The following KCTD8 variants were observed in gnomAD, a reference collection of about 807,000 sequenced individuals.
KCTD8 encodes the protein potassium channel tetramerization domain containing 8.
In KCTD8, 27 loss-of-function variants were observed where a neutral mutation model predicts 31.5. That is an observed-to-expected ratio of 0.86 (90% CI 0.63 to 1.18). The LOEUF (loss-of-function observed/expected upper bound fraction) is 1.18. KCTD8 is among the 50% of genes most tolerant of loss of function. The pLI is 0.00. For missense variants in KCTD8, 658 were observed against 647.7 expected (o/e 1.02, Z -0.17); for synonymous variants, 290 against 280.0 (o/e 1.04, Z -0.36).
At chr4:44,283,296 C>T (rs1716953464) in intron 1 of KCTD8, among the ~76,000 whole-genome samples, 1 of 151,960 alleles carries the variant, frequency 6.6e-6, no homozygotes, top group Admixed American at 6.6e-5. Context: ...GTGATCTGCC[C>T]ACTGTGGCCT....
intron 1 of KCTD8, among the ~76,000 whole-genome samples, chr4:44,284,322 C>T (rs898668105): frequency 6.6e-6 from 1 of 151,568 alleles, no homozygotes; most frequent in Non-Finnish European, 1.5e-5. Context: ...AGAAATAACA[C>T]CACATACCAT....
chr4:44,431,648 C>T (rs1190610263), intron 1 of KCTD8, among the ~76,000 whole-genome samples: 3 of 151,480 alleles, frequency 2.0e-5, no homozygotes, highest in Non-Finnish European at 4.4e-5. Context: ...GTATCCAATT[C>T]TTATCAGGGT....
At chr4:44,256,133 G>A (rs1715984435) in intron 1 of KCTD8, among the ~76,000 whole-genome samples, 2 of 151,858 alleles carry the variant, frequency 1.3e-5, no homozygotes, top group Non-Finnish European at 2.9e-5. Flanking sequence ...CATGAGAACA[G>A]CAGGGGAAAG....
intron 1 of KCTD8, among the ~76,000 whole-genome samples, chr4:44,337,050 C>T (rs1718768216): frequency 6.6e-6 from 1 of 151,994 alleles, no homozygotes; most frequent in South Asian, 2.1e-4. Flanking sequence ...AGGATCTGAA[C>T]TAATATGTCA....
chr4:44,394,671 G>A (rs529938520), intron 1 of KCTD8, among the ~76,000 whole-genome samples: 12 of 152,066 alleles, frequency 7.9e-5, no homozygotes, highest in African/African-American at 2.4e-4. Flanking sequence ...TTGCTATGTC[G>A]TATGTGCTAT....
chr4:44,338,622 C>T (rs569802871), intron 1 of KCTD8, among the ~76,000 whole-genome samples: 14 of 152,232 alleles, frequency 9.2e-5, no homozygotes, highest in African/African-American at 2.9e-4. Context: ...TGATACCACA[C>T]GTGTGGTTTC....
intron 1 of KCTD8, among the ~76,000 whole-genome samples, chr4:44,269,635 T>G (rs1005509766): frequency 6.6e-6 from 1 of 152,124 alleles, no homozygotes; most frequent in Non-Finnish European, 1.5e-5. Context: ...TTTCGCAACC[T>G]ACTCATCTGA....
chr4:44,267,035 C>T (rs1439584188), intron 1 of KCTD8, among the ~76,000 whole-genome samples: 4 of 152,146 alleles, frequency 2.6e-5, no homozygotes, highest in African/African-American at 7.2e-5. Context: ...AGCTCTGCAC[C>T]AAGCAGACCT....
chr4:44,420,679 TC>T (rs1342419479), intron 1 of KCTD8, among the ~76,000 whole-genome samples: 1 of 152,118 alleles, frequency 6.6e-6, no homozygotes, highest in Non-Finnish European at 1.5e-5. Flanking sequence ...TTACACCTTC[TC>T]CCAGGTTTCT....
At chr4:44,441,752 A>G (rs552708223) in intron 1 of KCTD8, among the ~76,000 whole-genome samples, 1 of 152,346 alleles carries the variant, frequency 6.6e-6, no homozygotes, top group African/African-American at 2.4e-5. Context: ...GGAATGTTAT[A>G]AGAAATAAAC....
Position 44,336,297 on chromosome 4 carries a change from G to A in KCTD8, c.961+111266C>T, listed in dbSNP as rs368866971. Among the ~76,000 whole-genome samples, 4 of 150,566 alleles carry A rather than the reference G, an allele frequency of 2.7e-5. No individual in the cohort carries two copies. The East Asian group carries it at 5.9e-4, about 22-fold the overall frequency. ...TCTCAGAAATATAAAATTGATTAAT[G>A]TTAGAATCTCTAAAGAATAAATATT... On this transcript the variant is annotated intron_variant, in intron 1 of 1. Coordinates refer to ENST00000360029, the MANE Select transcript of KCTD8 (RefSeq NM_198353.3).
chr4:44,311,177 C>T (rs1717940706), intron 1 of KCTD8, among the ~76,000 whole-genome samples: 1 of 152,070 alleles, frequency 6.6e-6, no homozygotes, highest in South Asian at 2.1e-4. Flanking sequence ...CTTATTTCTT[C>T]TGTCATTCTT....
intron 1 of KCTD8, among the ~76,000 whole-genome samples, chr4:44,208,918 A>G (rs1388667714): frequency 6.6e-6 from 1 of 152,178 alleles, no homozygotes; most frequent in Non-Finnish European, 1.5e-5. Flanking sequence ...TCTTTTGTCC[A>G]TGATCTAAAT....
intron 1 of KCTD8, among the ~76,000 whole-genome samples, chr4:44,252,227 C>T (rs1017292041): frequency 6.6e-6 from 1 of 151,586 alleles, no homozygotes; most frequent in Non-Finnish European, 1.5e-5. Context: ...TCCATTGTAT[C>T]CATTGTATGC....
At chr4:44,268,759 G>T (rs539350744) in intron 1 of KCTD8, among the ~76,000 whole-genome samples, 2 of 151,472 alleles carry the variant, frequency 1.3e-5, no homozygotes, top group South Asian at 4.2e-4. Flanking sequence ...AACAGACAGA[G>T]AGCCAAATCA....
At chr4:44,215,042 C>T (rs1029337237) in intron 1 of KCTD8, among the ~76,000 whole-genome samples, 1 of 152,166 alleles carries the variant, frequency 6.6e-6, no homozygotes, top group African/African-American at 2.4e-5. Context: ...AATGACTCAA[C>T]TCAAGAGGGC....
At chr4:44,434,178 T>C (rs1331282616) in intron 1 of KCTD8, among the ~76,000 whole-genome samples, 1 of 151,872 alleles carries the variant, frequency 6.6e-6, no homozygotes, top group East Asian at 1.9e-4. Context: ...CTGTCAATAA[T>C]TTGCAATGTC....
chr4:44,275,261 C>T (rs1219444453), intron 1 of KCTD8, among the ~76,000 whole-genome samples: 3 of 151,894 alleles, frequency 2.0e-5, no homozygotes, highest in Admixed American at 2.0e-4. Flanking sequence ...GAATATAAGC[C>T]TTTCCTGTGC....
At chr4:44,405,404 C>T (rs955492211) in intron 1 of KCTD8, among the ~76,000 whole-genome samples, 8 of 152,004 alleles carry the variant, frequency 5.3e-5, no homozygotes, top group African/African-American at 7.2e-5. Flanking sequence ...ACTGCAGGCA[C>T]GTGCTTACCA....
Sources: gnomAD v4.1 joint callset for allele counts (sites outside exome capture counted in the v4.1 genomes callset) on GRCh38, gnomAD v4.1.1 for gene constraint, MANE v1.5 for transcripts, NCBI Gene and HGNC (gene_info 2026-07-23, HGNC 2026-07-21) for gene names.